DOCK8: variants seen among roughly 807,000 people sequenced by gnomAD.
DOCK8 encodes the protein dedicator of cytokinesis protein 8.
Under a neutral mutation model 245.6 loss-of-function variants are expected in DOCK8, and 141 were observed. The ratio of observed to expected loss-of-function variants is 0.57; its 90% CI spans 0.50 to 0.66. DOCK8 has a LOEUF of 0.66. Ranked by LOEUF, DOCK8 falls within the 30% of genes least tolerant of loss-of-function variation. DOCK8 has a pLI of 0.00. For synonymous variants in DOCK8, 1,168 were observed against 970.2 expected, an observed-to-expected ratio of 1.20 and a Z score of -3.79; for missense variants, 2,965 against 2,603.4, an observed-to-expected ratio of 1.14 and a Z score of -3.02.
intron 42 of DOCK8, among the ~76,000 whole-genome samples, chr9:442,853 T>G (rs1315653316): frequency 6.6e-6 from 1 of 152,200 alleles, no homozygotes; most frequent in Admixed American, 6.5e-5. Context: ...TTAAAACATT[T>G]GTGTTGCCTA....
At chr9:256,801 T>G (rs758637887) in intron 1 of DOCK8, among the ~76,000 whole-genome samples, 1 of 149,644 alleles carries the variant, frequency 6.7e-6, no homozygotes, top group African/African-American at 2.6e-5. Flanking sequence ...AATAGAAGCT[T>G]CATGAGGGCA....
At chr9:244,866 A>G (rs2047469808) in intron 1 of DOCK8, among the ~76,000 whole-genome samples, 2 of 152,120 alleles carry the variant, frequency 1.3e-5, no homozygotes, top group Admixed American at 1.3e-4. Flanking sequence ...CAGATGGGCC[A>G]GTGTGTTTTG....
rs536486631 is a variant in DOCK8, at chr9:246,556, A to G, written c.54-25071A>G. 2.5e-3 allele frequency among the ~76,000 whole-genome samples: 376 copies of G among 152,200 alleles called. 2 individuals are homozygous for G. Among genetic ancestry groups the G allele is most frequent in the South Asian group, 5.4e-3 (26 of 4,830 alleles). The stretch of plus-strand genomic sequence containing the variant: ...TCCAAAAAAATGTTCCCTTAGATCC[A>G]TTTTTTGTCTGACAGAGACAGGAGA... On this transcript the variant is annotated intron_variant, in intron 1 of 47. Transcript: ENST00000432829.
In DOCK8 at chr9:421,097, T is replaced by A. The variant is rs772111567; in HGVS notation, c.4153+19T>A. Reference sequence around the variant, plus strand: ...GCTCCAGGTGTGTTGGACTGGCCCTTCCCTGCTCTCTGTCAAGCAGTTTTT... The same window carrying A: ...GCTCCAGGTGTGTTGGACTGGCCCTACCCTGCTCTCTGTCAAGCAGTTTTT... On this transcript the variant is annotated intron_variant, in intron 32 of 47. Transcript: ENST00000432829. The A allele has an allele frequency of 6.2e-7, 1 of 1,613,694 alleles. No individual in the cohort carries two copies. Among genetic ancestry groups the A allele is most frequent in the Non-Finnish European group, 8.5e-7 (1 of 1,179,988 alleles).
At chr9:214,309 T>C, upstream of DOCK8, 2 of 571,368 alleles carry the variant, frequency 3.5e-6, no homozygotes, top group Non-Finnish European at 6.0e-6. Flanking sequence ...CACGCCAGGT[T>C]GTGACGAAAA....
intron 7 of DOCK8, among the ~76,000 whole-genome samples, chr9:325,390 C>G (rs1326301242): frequency 3.9e-5 from 6 of 152,186 alleles, no homozygotes; most frequent in African/African-American, 1.4e-4. Flanking sequence ...GTCCATTCAG[C>G]CCACTCTCTC....
intron 3 of DOCK8, among the ~76,000 whole-genome samples, chr9:286,899 T>C (rs1258937952): frequency 1.3e-5 from 2 of 151,880 alleles, no homozygotes; most frequent in Non-Finnish European, 2.9e-5. Context: ...CAAGAGGAGG[T>C]TAAAAGTGCA....
intron 29 of DOCK8, among the ~76,000 whole-genome samples, chr9:417,843 T>C (rs984850163): frequency 6.6e-6 from 1 of 152,244 alleles, no homozygotes; most frequent in African/African-American, 2.4e-5. Flanking sequence ...AAACTTTTTG[T>C]TCACACAATT....
chr9:266,213 ACAAGGAAC>A (rs1166281086), intron 1 of DOCK8, among the ~76,000 whole-genome samples: 1 of 152,174 alleles, frequency 6.6e-6, no homozygotes, highest in Non-Finnish European at 1.5e-5. Context: ...CTCTTTGCTA[ACAAGGAAC>A]TGTGCATATT....
chr9:387,294 C>G (rs1490366063), intron 23 of DOCK8, among the ~76,000 whole-genome samples: 1 of 151,906 alleles, frequency 6.6e-6, no homozygotes, highest in Non-Finnish European at 1.5e-5. Flanking sequence ...GATACAAAAA[C>G]TAGCCGGGCA....
chr9:264,518 C>T (rs1448059166), intron 1 of DOCK8, among the ~76,000 whole-genome samples: 4 of 152,078 alleles, frequency 2.6e-5, no homozygotes, highest in African/African-American at 9.7e-5. Flanking sequence ...ATATGAGAAA[C>T]GATAAAACCT....
intron 26 of DOCK8, among the ~76,000 whole-genome samples, chr9:400,533 C>T (rs1337979862): frequency 1.3e-5 from 1 of 75,400 alleles, no homozygotes; most frequent in East Asian, 4.1e-4. Context: ...ACCATCACCA[C>T]CACCTCCACC....
chr9:231,019 G>T (rs1269496683), intron 1 of DOCK8, among the ~76,000 whole-genome samples: 1 of 152,056 alleles, frequency 6.6e-6, no homozygotes, highest in South Asian at 2.1e-4. Flanking sequence ...TTCTTCTAGG[G>T]TTTTTATGGT....
Position 432,152 on chromosome 9 carries a change from TTTC to T in DOCK8, c.4627-13_4627-11del. 1 of 1,612,432 alleles carries T rather than the reference TTTC, an allele frequency of 6.2e-7. No individual in the cohort carries two copies. The highest frequency in any genetic ancestry group is 8.5e-7 in the Non-Finnish European group (1 of 1,178,928). On this transcript the variant is annotated splice_polypyrimidine_tract_variant and intron_variant, in intron 36 of 47. Transcript: ENST00000432829. ...TTATTTACTTCATCTTTTTTTTTTT[TTTC>T]ACTGATGCAGAATTTTGCAAGAGTA...
chr9:338,386 A>G (rs1378191484), intron 12 of DOCK8, among the ~76,000 whole-genome samples: 2 of 152,172 alleles, frequency 1.3e-5, no homozygotes, highest in Non-Finnish European at 2.9e-5. Flanking sequence ...AAAGGTTTCT[A>G]TTCAGCATAC....
intron 45 of DOCK8, among the ~76,000 whole-genome samples, chr9:451,138 C>T (rs1472715174): frequency 1.3e-5 from 2 of 150,588 alleles, no homozygotes; most frequent in Non-Finnish European, 3.0e-5. Flanking sequence ...CATGGTGAAA[C>T]CCCATCTCTG....
At chr9:310,480 CGGA>C (rs2050048950) in intron 5 of DOCK8, among the ~76,000 whole-genome samples, 1 of 152,108 alleles carries the variant, frequency 6.6e-6, no homozygotes, top group Non-Finnish European at 1.5e-5. Flanking sequence ...TTTTTTGAGA[CGGA>C]GTCTCGCTCT....
In DOCK8 at chr9:339,052, AC is replaced by A. The variant is rs867378400; in HGVS notation, c.1470del (p.Tyr491ThrfsTer18). 1.9e-6 allele frequency: 3 copies of A among 1,614,048 alleles called. No individual in the cohort carries two copies. The highest frequency in any genetic ancestry group is 2.5e-6 in the Non-Finnish European group (3 of 1,180,030). The stretch of plus-strand genomic sequence containing the variant: ...GAAGACTTATTCAAGTTTTTAGCTG[AC>A]TACAAAAGATCATCATCCTTACAGA... ...SDEDLFKFLA[D>X]YKRSSSLQRR... On this transcript the variant is annotated frameshift_variant, in exon 13 of 48. Coordinates refer to ENST00000432829, the MANE Select transcript of DOCK8 (RefSeq NM_203447.4). LOFTEE classifies it high-confidence loss of function.
upstream of DOCK8, chr9:214,560 C>G (rs747926518): frequency 6.2e-7 from 1 of 1,613,846 alleles, no homozygotes; most frequent in Non-Finnish European, 8.5e-7. Flanking sequence ...GGGGCTCCCC[C>G]GACTTGCCTA....
Sources: allele counts gnomAD v4.1 joint callset (sites outside exome capture counted in the v4.1 genomes callset), GRCh38; gene constraint gnomAD v4.1.1; transcripts MANE v1.5; gene names NCBI Gene and HGNC (gene_info 2026-07-23, HGNC 2026-07-21).